Variants in MAP3K5 observed in about 807,000 individuals in gnomAD.
MAP3K5 encodes the protein ASK-1.
In MAP3K5, 56 loss-of-function variants were observed where a neutral mutation model predicts 158.7. That is an observed-to-expected ratio of 0.35 (90% CI 0.28 to 0.44). The LOEUF is 0.44. Ranked by LOEUF, MAP3K5 falls within the 20% of genes least tolerant of loss-of-function variation. The pLI is 1.00. For missense variants in MAP3K5, 1,294 were observed against 1,674.8 expected, an observed-to-expected ratio of 0.77 and a Z score of 3.97; for synonymous variants, 579 against 601.7, an observed-to-expected ratio of 0.96 and a Z score of 0.55.
chr6:136,778,224 A>G (rs1290162415), intron 1 of MAP3K5, among the ~76,000 whole-genome samples: 1 of 152,120 alleles, frequency 6.6e-6, no homozygotes. Context: ...GAATTTATAT[A>G]CGTAATTTTC....
At chr6:136,757,643 A>C (rs1463833529) in intron 1 of MAP3K5, among the ~76,000 whole-genome samples, 2 of 140,812 alleles carry the variant, frequency 1.4e-5, no homozygotes, top group African/African-American at 5.4e-5. Flanking sequence ...GCTGGAGTGC[A>C]GTAGCGCAAT....
intron 7 of MAP3K5, among the ~76,000 whole-genome samples, chr6:136,674,716 G>T (rs1202067070): frequency 1.3e-5 from 2 of 151,678 alleles, no homozygotes; most frequent in Non-Finnish European, 2.9e-5. Context: ...TTTTAAAAAG[G>T]CACACTGTAA....
intron 14 of MAP3K5, among the ~76,000 whole-genome samples, chr6:136,628,978 T>A (rs1777178425): frequency 6.6e-6 from 1 of 152,234 alleles, no homozygotes; most frequent in Non-Finnish European, 1.5e-5. Flanking sequence ...AAAGGTAACA[T>A]TACATTGCTT....
At chr6:136,719,364 G>A (rs1002642023) in intron 2 of MAP3K5, among the ~76,000 whole-genome samples, 6 of 152,124 alleles carry the variant, frequency 3.9e-5, no homozygotes, top group Non-Finnish European at 5.9e-5. Flanking sequence ...GGAAAATTAA[G>A]GAGGGGCTTA....
intron 1 of MAP3K5, among the ~76,000 whole-genome samples, chr6:136,765,451 C>T (rs373336583): frequency 2.6e-5 from 4 of 151,944 alleles, no homozygotes; most frequent in East Asian, 1.9e-4. Flanking sequence ...CAAACACCAC[C>T]GTGAGCAGCT....
chr6:136,573,722 A>T (rs1347397980), intron 25 of MAP3K5, among the ~76,000 whole-genome samples: 1 of 152,188 alleles, frequency 6.6e-6, no homozygotes, highest in Non-Finnish European at 1.5e-5. Context: ...TCTGAGAACA[A>T]TGTAAAGCAG....
intron 8 of MAP3K5, among the ~76,000 whole-genome samples, chr6:136,666,658 G>A (rs1383738794): frequency 4.0e-5 from 6 of 151,770 alleles, no homozygotes; most frequent in African/African-American, 1.5e-4. Context: ...GTCTTTCCTC[G>A]AAAATCCATT....
At chr6:136,621,029 C>T (rs572028897) in intron 15 of MAP3K5, among the ~76,000 whole-genome samples, 65 of 152,106 alleles carry the variant, frequency 4.3e-4, no homozygotes, top group African/African-American at 1.4e-3. Flanking sequence ...AAAGTAATTG[C>T]GGTTTTTGCC....
Position 136,723,520 on chromosome 6 carries a change from C to A in MAP3K5, c.449-2931G>T, listed in dbSNP as rs1781833143. Among the ~76,000 whole-genome samples, 3 of 152,168 alleles carry A rather than the reference C, an allele frequency of 2.0e-5. No homozygotes were observed. The South Asian group carries it at 6.2e-4, about 32-fold the overall frequency. Reference sequence around the variant, plus strand: ...AGGGATTATGAATTATTTTATTTTTCTATTTTATATCTTCTATATTTCCCA... The same window carrying A: ...AGGGATTATGAATTATTTTATTTTTATATTTTATATCTTCTATATTTCCCA... On this transcript the variant is annotated intron_variant, in intron 1 of 29. Transcript: ENST00000359015.
chr6:136,625,133 A>G (rs75328679), intron 14 of MAP3K5, among the ~76,000 whole-genome samples: 3,953 of 152,208 alleles, frequency 0.026, 165 homozygotes, highest in East Asian at 0.15. Context: ...TAGGGCGGGA[A>G]TTTGTCTGCT....
chr6:136,686,154 A>G (rs940182188), intron 7 of MAP3K5, among the ~76,000 whole-genome samples: 1 of 152,246 alleles, frequency 6.6e-6, no homozygotes, highest in African/African-American at 2.4e-5. Flanking sequence ...CTCTACAGTA[A>G]AAGTGGCATT....
chr6:136,694,009 A>G, intron 7 of MAP3K5, 131 bp downstream of exon 7: 1 of 666,724 alleles, frequency 1.5e-6, no homozygotes. Flanking sequence ...AAAATAAAAT[A>G]AAATCTAAGG....
intron 1 of MAP3K5, among the ~76,000 whole-genome samples, chr6:136,781,159 G>T (rs2115039136): frequency 6.6e-6 from 1 of 152,268 alleles, no homozygotes; most frequent in East Asian, 1.9e-4. Flanking sequence ...CAGCTCTCTG[G>T]ATCATTCTAG....
At chr6:136,728,989 A>C (rs1782092883) in intron 1 of MAP3K5, among the ~76,000 whole-genome samples, 1 of 152,084 alleles carries the variant, frequency 6.6e-6, no homozygotes, top group South Asian at 2.1e-4. Flanking sequence ...GAGAGGAAGG[A>C]GGAGTGAAAC....
chr6:136,757,586 A>ATTTTTTTTTTTTTTTTTTTT (rs897486770), intron 1 of MAP3K5, among the ~76,000 whole-genome samples: 1 of 127,818 alleles, frequency 7.8e-6, no homozygotes, highest in Non-Finnish European at 1.6e-5. Context: ...TTTATTTTTT[A>ATTTTTTTTTTTTTTTTTTTT]TTTTTTTTTT....
In MAP3K5 at chr6:136,659,262, T is replaced by C. The variant is rs1355384281; in HGVS notation, c.1483A>G (p.Ile495Val). Residue 495 changes from isoleucine to valine, a missense_variant, in exon 9 of 30, where the codon ATT (isoleucine) becomes GTT (valine). Physicochemically the swap from Ile to Val is conservative, Grantham distance 29. Transcript: ENST00000359015. ...SVLANDHMRV[I>V]QASEKLFKLK... ...TTAAAAAGCTTTTCAGATGCTTGAA[T>C]GACTCTCATGTGGTCATTGGCTAGG... 6.2e-6 allele frequency: 10 copies of C among 1,614,194 alleles called. No homozygotes were observed. Among genetic ancestry groups the C allele is most frequent in the South Asian group, 1.1e-5 (1 of 91,090 alleles).
intron 7 of MAP3K5, among the ~76,000 whole-genome samples, chr6:136,690,193 T>C (rs934341967): frequency 6.6e-6 from 1 of 152,226 alleles, no homozygotes; most frequent in Non-Finnish European, 1.5e-5. Context: ...ATTTGGAGTT[T>C]ATGATGCCCA....
intron 7 of MAP3K5, among the ~76,000 whole-genome samples, chr6:136,675,720 G>T (rs552559439): frequency 6.6e-6 from 1 of 151,876 alleles, no homozygotes; most frequent in East Asian, 1.9e-4. Flanking sequence ...TCTAGTAAAC[G>T]AACAGCATAT....
At chr6:136,650,017 C>A (rs1361862894) in intron 11 of MAP3K5, among the ~76,000 whole-genome samples, 6 of 152,166 alleles carry the variant, frequency 3.9e-5, no homozygotes, top group African/African-American at 1.2e-4. Flanking sequence ...TTATTTTTCC[C>A]TTCTCACCAT....
Sources: gnomAD v4.1 joint callset for allele counts (sites outside exome capture counted in the v4.1 genomes callset) on GRCh38, gnomAD v4.1.1 for gene constraint, MANE v1.5 for transcripts, NCBI Gene and HGNC (gene_info 2026-07-23, HGNC 2026-07-21) for gene names.